The following KCNIP4 variants were observed in gnomAD, a reference collection of about 807,000 sequenced individuals.
The protein encoded by KCNIP4 is Kv channel-interacting protein 4.
KCNIP4 carries 12 observed loss-of-function variants against 34.0 expected under a neutral mutation model. That is an observed-to-expected ratio of 0.35 (90% CI 0.23 to 0.57). The LOEUF is 0.57. KCNIP4 is among the 20% of genes least tolerant of loss of function. KCNIP4 has a pLI of 0.83. For synonymous variants in KCNIP4, 124 were observed against 102.2 expected, an observed-to-expected ratio of 1.21 and a Z score of -1.29; for missense variants, 238 against 311.7, an observed-to-expected ratio of 0.76 and a Z score of 1.78.
chr4:20,747,650 C>T (rs1398650927), intron 5 of KCNIP4, among the ~76,000 whole-genome samples: 1 of 152,096 alleles, frequency 6.6e-6, no homozygotes, highest in African/African-American at 2.4e-5. Flanking sequence ...TCCTTCTCCA[C>T]TCTCAGCTTT....
rs144431209 is a variant in KCNIP4, at chr4:20,995,563, C to T, written c.62-112854G>A. ...CTATGAGAACCCGTTCCCATTTGCA[C>T]AAGCCACACTCACATTGCCTCTCTG... On this transcript the variant is annotated intron_variant, in intron 1 of 8. Coordinates refer to ENST00000382152, the MANE Select transcript of KCNIP4 (RefSeq NM_025221.6). Among the ~76,000 whole-genome samples the T allele has an allele frequency of 5.1e-3, 784 of 152,322 alleles. 5 individuals are homozygous for T. The highest frequency in any genetic ancestry group is 0.018 in the African/African-American group (745 of 41,568).
intron 1 of KCNIP4, among the ~76,000 whole-genome samples, chr4:21,247,494 C>A (rs1760295891): frequency 6.7e-6 from 1 of 149,694 alleles, no homozygotes; most frequent in Non-Finnish European, 1.5e-5. Flanking sequence ...AGAAATAAAT[C>A]CCAATATGCA....
At position 21,691,399 on chromosome 4, in the gene KCNIP4, C is replaced by T. The variant is rs537680426; in HGVS notation, c.61+257172G>A. Among the ~76,000 whole-genome samples, 16 of 152,242 alleles carry T rather than the reference C, an allele frequency of 1.1e-4. No homozygotes were observed. In the South Asian group the frequency reaches 3.3e-3, roughly 32 times the overall value. On this transcript the variant is annotated intron_variant, in intron 1 of 8. Coordinates refer to ENST00000382152, the MANE Select transcript of KCNIP4 (RefSeq NM_025221.6). ...TCCAGGCTCTGGAAATGGTTCCTAT[C>T]TCTTGCCTCTTCAATAGTTTACTGT... is the stretch of plus-strand genomic sequence containing the variant.
At chr4:20,966,480 A>G (rs934401700) in intron 1 of KCNIP4, among the ~76,000 whole-genome samples, 1 of 152,210 alleles carries the variant, frequency 6.6e-6, no homozygotes, top group African/African-American at 2.4e-5. Context: ...AACACTTAGT[A>G]CTAAAAGTAA....
At chr4:21,850,613 A>C (rs1724318216) in intron 1 of KCNIP4, 1 of 152,124 alleles carries the variant, frequency 6.6e-6, no homozygotes, top group African/African-American at 2.4e-5. Context: ...TTTCTTTATA[A>C]ACTGCCCAGT....
chr4:20,764,270 CG>C (rs1391542836), intron 3 of KCNIP4, among the ~76,000 whole-genome samples: 2 of 151,902 alleles, frequency 1.3e-5, no homozygotes, highest in East Asian at 3.9e-4. Flanking sequence ...GCATATATAC[CG>C]TAGAAATAAA....
intron 1 of KCNIP4, among the ~76,000 whole-genome samples, chr4:21,366,398 C>T (rs1264493341): frequency 6.6e-6 from 1 of 152,154 alleles, no homozygotes; most frequent in Admixed American, 6.5e-5. Context: ...ATCTTTGCAG[C>T]CCTGTCTTCA....
chr4:20,881,512 T>C (rs78332346), intron 2 of KCNIP4, among the ~76,000 whole-genome samples: 2 of 152,190 alleles, frequency 1.3e-5, no homozygotes, highest in Admixed American at 6.5e-5. Flanking sequence ...TGTTTGATGC[T>C]TGAAAAAAAT....
intron 1 of KCNIP4, among the ~76,000 whole-genome samples, chr4:21,760,726 A>C (rs1232768258): frequency 2.6e-5 from 4 of 152,084 alleles, no homozygotes; most frequent in Admixed American, 2.0e-4. Flanking sequence ...AAAAAGCTAA[A>C]ATTTTAAATA....
intron 1 of KCNIP4, among the ~76,000 whole-genome samples, chr4:21,690,585 A>G (rs1711526004): frequency 6.6e-6 from 1 of 152,142 alleles, no homozygotes; most frequent in African/African-American, 2.4e-5. Flanking sequence ...AAGCTTCCTG[A>G]GGCCTCACCA....
intron 1 of KCNIP4, among the ~76,000 whole-genome samples, chr4:20,898,412 C>T (rs1726790862): frequency 6.6e-6 from 1 of 152,108 alleles, no homozygotes; most frequent in Non-Finnish European, 1.5e-5. Flanking sequence ...ACTTATTGTC[C>T]AACCTGGAAC....
At chr4:20,936,023 A>C (rs1418628389) in intron 1 of KCNIP4, among the ~76,000 whole-genome samples, 9 of 151,488 alleles carry the variant, frequency 5.9e-5, no homozygotes, top group Admixed American at 3.9e-4. Flanking sequence ...ACATGAAAAA[A>C]CTGGAACACA....
chr4:21,624,108 G>A (rs562115285), intron 1 of KCNIP4, among the ~76,000 whole-genome samples: 93 of 152,072 alleles, frequency 6.1e-4, no homozygotes, highest in Non-Finnish European at 9.3e-4. Context: ...AATGAATAGC[G>A]CACAGGACTT....
At chr4:20,987,245 T>A (rs1736661607) in intron 1 of KCNIP4, among the ~76,000 whole-genome samples, 1 of 152,136 alleles carries the variant, frequency 6.6e-6, no homozygotes, top group African/African-American at 2.4e-5. Context: ...TTTAAAAATT[T>A]AAAAAAGTAA....
At chr4:21,947,473 T>G (rs1212548487) in intron 1 of KCNIP4, among the ~76,000 whole-genome samples, 5 of 152,202 alleles carry the variant, frequency 3.3e-5, no homozygotes, top group African/African-American at 1.2e-4. Context: ...GTCCTCCCGG[T>G]TACGATGACC....
intron 1 of KCNIP4, among the ~76,000 whole-genome samples, chr4:20,925,590 CG>C (rs1232720103): frequency 6.6e-6 from 1 of 152,118 alleles, no homozygotes; most frequent in African/African-American, 2.4e-5. Flanking sequence ...TATAGAGTAG[CG>C]ATTCTTTTAT....
chr4:21,690,115 TTATA>T (rs946528893), intron 1 of KCNIP4, among the ~76,000 whole-genome samples: 9 of 146,888 alleles, frequency 6.1e-5, no homozygotes, highest in African/African-American at 1.7e-4. Context: ...TATACATATA[TTATA>T]TATATATTTT....
chr4:21,948,539 G>T, intron 1 of KCNIP4, 32 bp downstream of exon 1: 3 of 1,602,878 alleles, frequency 1.9e-6, no homozygotes, highest in Non-Finnish European at 2.6e-6. Context: ...GGGCGGAAGC[G>T]GGCGCCCGCT....
rs563819681 is a variant in KCNIP4 at position 21,139,746 on chromosome 4, C to T, written c.62-257037G>A. Among the ~76,000 whole-genome samples the T allele has an allele frequency of 4.4e-3, 674 of 152,240 alleles. 4 individuals are homozygous for T. Among genetic ancestry groups the T allele is most frequent in the Non-Finnish European group, 6.7e-3 (455 of 68,010 alleles). ...CGGGCTTACTGTCTTTCTCTCCGTC[C>T]GTCCATAGATGTGAATCTCAGGGGC... On this transcript the variant is annotated intron_variant, in intron 1 of 8. Transcript: ENST00000382152.
Sources: allele counts gnomAD v4.1 joint callset (sites outside exome capture counted in the v4.1 genomes callset), GRCh38; gene constraint gnomAD v4.1.1; transcripts MANE v1.5; gene names NCBI Gene and HGNC (gene_info 2026-07-23, HGNC 2026-07-21).